The following AKR1D1 variants were observed in gnomAD, a reference collection of about 807,000 sequenced individuals.
AKR1D1 encodes the protein delta(4)-3-ketosteroid 5-beta-reductase.
A neutral mutation model predicts 42.6 loss-of-function variants in AKR1D1; 32 were observed. The ratio of observed to expected loss-of-function variants is 0.75; its 90% CI spans 0.57 to 1.01. AKR1D1 has a LOEUF of 1.01. Among genes scored for constraint, AKR1D1 ranks in the 50% least tolerant of loss-of-function variants. AKR1D1 has a pLI of 0.00. For synonymous variants in AKR1D1, 123 were observed against 135.5 expected, an observed-to-expected ratio of 0.91 and a Z score of 0.64; for missense variants, 364 against 402.2, an observed-to-expected ratio of 0.91 and a Z score of 0.81.
intron 3 of AKR1D1, among the ~76,000 whole-genome samples, chr7:138,095,107 G>A (rs1794159193): frequency 6.6e-6 from 1 of 152,152 alleles, no homozygotes; most frequent in Non-Finnish European, 1.5e-5. Flanking sequence ...TAGGCACAAT[G>A]GAAGGTCAAG....
intron 5 of AKR1D1, 35 bp from the exon 6 acceptor site, chr7:138,106,573 G>A (rs754786571): frequency 9.7e-6 from 15 of 1,551,944 alleles, no homozygotes; most frequent in Admixed American, 5.0e-5. Flanking sequence ...ACGTGGCCTT[G>A]ATTTTGTGCT....
chr7:138,093,795 C>T (rs1422677758), intron 3 of AKR1D1, among the ~76,000 whole-genome samples: 1 of 152,158 alleles, frequency 6.6e-6, no homozygotes, highest in Admixed American at 6.5e-5. Context: ...ATATACTATA[C>T]ATGATTATGT....
chr7:138,097,844 AT>A, intron 3 of AKR1D1, 21 bp from the exon 4 acceptor site: 3 of 1,337,298 alleles, frequency 2.2e-6, no homozygotes, highest in Non-Finnish European at 3.1e-6. Flanking sequence ...AATTACATTT[AT>A]TCTTTTTTTT....
intron 1 of AKR1D1, among the ~76,000 whole-genome samples, chr7:138,081,544 A>G (rs1444763984): frequency 1.6e-5 from 1 of 61,200 alleles, no homozygotes; most frequent in Non-Finnish European, 2.9e-5. Context: ...TTTTTTTTTG[A>G]GACAGACTTT....
Position 138,101,166 on chromosome 7 carries a change from TCCC to T in AKR1D1, c.456+3224_456+3226del, listed in dbSNP as rs1562935746. 0.011 allele frequency among the ~76,000 whole-genome samples: 316 copies of T among 29,824 alleles called. 7 individuals are homozygous for T. The South Asian group carries it at 0.14, about 13-fold the overall frequency. The allele number at this position is 29,824 out of a possible 152,430, so 19.6% of individuals were successfully genotyped here. A position where few individuals can be genotyped will look rare whatever the true frequency, so the allele number is the denominator to read the frequency against. ...TGTTTTCTTTCCCTCCCTCCCTCCC[TCCC>T]TCCCTCCCTCCCTCCCTCCCTCCCT... On this transcript the variant is annotated intron_variant, in intron 4 of 8. Transcript: ENST00000242375.
intron 4 of AKR1D1, among the ~76,000 whole-genome samples, chr7:138,104,858 A>G (rs1794389355): frequency 1.3e-5 from 2 of 151,988 alleles, no homozygotes; most frequent in Non-Finnish European, 2.9e-5. Flanking sequence ...TCCCCAGCTC[A>G]AGTGGATCCT....
chr7:138,088,836 T>A, intron 2 of AKR1D1, 68 bp downstream of exon 2: 1 of 1,453,620 alleles, frequency 6.9e-7, no homozygotes, highest in Non-Finnish European at 9.1e-7. Context: ...TTATTATTCA[T>A]CTTCCGTGTG....
chr7:138,099,295 A>G (rs980392999), intron 4 of AKR1D1, among the ~76,000 whole-genome samples: 13 of 152,224 alleles, frequency 8.5e-5, no homozygotes, highest in African/African-American at 2.9e-4. Flanking sequence ...TCCCCAGGAA[A>G]AAATGATTTC....
chr7:138,084,316 G>A lies in AKR1D1; in HGVS notation c.94-4285G>A, dbSNP rs150853164. ...CTTGCTCCAACACCCAGGCTGAAGC[G>A]CAGTGGCATGATTACGGCTCCCTGC... On this transcript the variant is annotated intron_variant, in intron 1 of 8. Coordinates refer to ENST00000242375, the MANE Select transcript of AKR1D1 (RefSeq NM_005989.4). Among the ~76,000 whole-genome samples, 646 of 137,606 alleles carry A rather than the reference G, an allele frequency of 4.7e-3. 4 individuals are homozygous for A. The highest frequency in any genetic ancestry group is 0.016 in the African/African-American group (584 of 36,804). The allele number at this position is 137,606 out of a possible 152,430, so 90.3% of individuals were successfully genotyped here. A position where few individuals can be genotyped will look rare whatever the true frequency, so the allele number is the denominator to read the frequency against.
chr7:138,085,810 C>T (rs932728261), intron 1 of AKR1D1, among the ~76,000 whole-genome samples: 4 of 152,054 alleles, frequency 2.6e-5, no homozygotes, highest in African/African-American at 7.2e-5. Flanking sequence ...TTCAAAAATA[C>T]AAGCACCTAC....
intron 2 of AKR1D1, among the ~76,000 whole-genome samples, chr7:138,089,902 G>A (rs1794028982): frequency 6.6e-6 from 1 of 152,084 alleles, no homozygotes; most frequent in Non-Finnish European, 1.5e-5. Context: ...CAGGTCAGAG[G>A]CCCAGATCTG....
At chr7:138,095,163 C>A (rs1794160374) in intron 3 of AKR1D1, among the ~76,000 whole-genome samples, 1 of 152,114 alleles carries the variant, frequency 6.6e-6, no homozygotes, top group Non-Finnish European at 1.5e-5. Context: ...TTGATAACCA[C>A]CTGATTAGAA....
At chr7:138,114,995 ATTGT>A (rs1794608507) in intron 8 of AKR1D1, among the ~76,000 whole-genome samples, 1 of 152,206 alleles carries the variant, frequency 6.6e-6, no homozygotes, top group Admixed American at 6.5e-5. Context: ...CAGGGGGAAA[ATTGT>A]TTGACATCAA....
At chr7:138,106,877 G>T (rs1794445150) in intron 6 of AKR1D1, among the ~76,000 whole-genome samples, 160 bp downstream of exon 6, 2 of 152,206 alleles carry the variant, frequency 1.3e-5, no homozygotes, top group Admixed American at 1.3e-4. Flanking sequence ...TGACTGAGCT[G>T]TTGTAAAATT....
intron 3 of AKR1D1, among the ~76,000 whole-genome samples, chr7:138,092,771 G>A (rs1794109117): frequency 6.6e-6 from 1 of 152,050 alleles, no homozygotes; most frequent in South Asian, 2.1e-4. Context: ...TAAAAATATG[G>A]CATAAAAGAT....
At chr7:138,103,521 T>C (rs934681909) in intron 4 of AKR1D1, among the ~76,000 whole-genome samples, 1 of 152,028 alleles carries the variant, frequency 6.6e-6, no homozygotes, top group African/African-American at 2.4e-5. Flanking sequence ...AGTTCAAATA[T>C]ATGTATGGTT....
In AKR1D1 at chr7:138,100,088, CAAAAAAAAAAAA is replaced by C. The variant is rs59361346; in HGVS notation, c.456+2164_456+2175del. Among the ~76,000 whole-genome samples the C allele has an allele frequency of 3.8e-3, 167 of 43,558 alleles. 1 individual carries two copies. The highest frequency in any genetic ancestry group is 5.8e-3 in the Admixed American group (13 of 2,232). 28.6% of individuals were successfully genotyped at this position (43,558 alleles called of 152,430 possible). ...TGGGCAATATAGCGAGATTTCATCTCAAAAAAAAAAAAAAAAAAAAAAAAAAAAAACATAAAG... is the reference window on the plus strand; with the variant it reads ...TGGGCAATATAGCGAGATTTCATCTCAAAAAAAAAAAAAAAAAACATAAAG... On this transcript the variant is annotated intron_variant, in intron 4 of 8. Coordinates refer to ENST00000242375, the MANE Select transcript of AKR1D1 (RefSeq NM_005989.4).
intron 7 of AKR1D1, among the ~76,000 whole-genome samples, chr7:138,111,839 T>A (rs530304504): frequency 6.6e-6 from 1 of 152,244 alleles, no homozygotes; most frequent in African/African-American, 2.4e-5. Flanking sequence ...TCAGTGTTGA[T>A]TTTTTTTAAA....
chr7:138,102,750 A>T (rs1283043739), intron 4 of AKR1D1, among the ~76,000 whole-genome samples: 1 of 152,248 alleles, frequency 6.6e-6, no homozygotes, highest in East Asian at 1.9e-4. Flanking sequence ...ATGCCAACGC[A>T]ATTCAATGGG....
Sources: gnomAD v4.1 joint callset for allele counts (sites outside exome capture counted in the v4.1 genomes callset) on GRCh38, gnomAD v4.1.1 for gene constraint, MANE v1.5 for transcripts, NCBI Gene and HGNC (gene_info 2026-07-23, HGNC 2026-07-21) for gene names.